GUSB: variants seen among roughly 807,000 people sequenced by gnomAD.
GUSB encodes beta-glucuronidase.
In GUSB, 51 loss-of-function variants were observed where a neutral mutation model predicts 74.6. That is an observed-to-expected ratio of 0.68 (90% CI 0.55 to 0.86). GUSB has a LOEUF of 0.86. GUSB is among the 40% of genes least tolerant of loss of function. GUSB has a pLI of 0.00. For missense variants in GUSB, 736 were observed against 853.7 expected (o/e 0.86, Z 1.72); for synonymous variants, 360 against 348.3 (o/e 1.03, Z -0.37).
chr7:65,979,620 C>G, intron 3 of GUSB, 79 bp from the exon 4 acceptor site: 1 of 1,596,240 alleles, frequency 6.3e-7, no homozygotes, highest in Non-Finnish European at 8.6e-7. Context: ...CCTGGCCTCC[C>G]CAGATCCAAG....
intron 11 of GUSB, among the ~76,000 whole-genome samples, chr7:65,961,816 A>G (rs956945989): frequency 6.6e-6 from 1 of 152,178 alleles, no homozygotes; most frequent in Non-Finnish European, 1.5e-5. Flanking sequence ...AGCCTGGACA[A>G]TATGGTGAAA....
At chr7:65,981,103 G>A (rs1204848237) in intron 1 of GUSB, among the ~76,000 whole-genome samples, 1 of 152,156 alleles carries the variant, frequency 6.6e-6, no homozygotes, top group Non-Finnish European at 1.5e-5. Flanking sequence ...AGAGTGTGTG[G>A]GTGGCTCATG....
intron 11 of GUSB, among the ~76,000 whole-genome samples, chr7:65,962,377 A>T (rs1790555855): frequency 1.3e-5 from 2 of 152,202 alleles, no homozygotes; most frequent in South Asian, 4.1e-4. Flanking sequence ...CTAAATGGAA[A>T]TGTTAAATGG....
Position 65,976,789 on chromosome 7 carries a change from C to T in GUSB, c.725-587G>A, listed in dbSNP as rs944680651. Among the ~76,000 whole-genome samples, 5 of 151,790 alleles carry T rather than the reference C, an allele frequency of 3.3e-5. 1 individual carries two copies. Among genetic ancestry groups the T allele is most frequent in the African/African-American group, 2.4e-5 (1 of 41,374 alleles). On this transcript the variant is annotated intron_variant, in intron 4 of 11. Transcript: ENST00000304895. The stretch of plus-strand genomic sequence containing the variant: ...TTCCCTAAAAATACAAACAATCAGC[C>T]GGTCGTGGTGGTGCGTGCTTGCAGC...
intron 5 of GUSB, 189 bp downstream of exon 5, chr7:65,975,826 G>A: frequency 1.8e-6 from 1 of 556,962 alleles, no homozygotes; most frequent in Middle Eastern, 3.1e-4. Context: ...ACTCCAGCCT[G>A]GGTGACAGAG....
chr7:65,968,743 C>T (rs1446682142), intron 9 of GUSB, among the ~76,000 whole-genome samples: 1 of 152,260 alleles, frequency 6.6e-6, no homozygotes. Flanking sequence ...TGCGCCACCA[C>T]GCCCAGCTAA....
intron 8 of GUSB, among the ~76,000 whole-genome samples, chr7:65,971,228 T>C (rs961374459): frequency 3.3e-5 from 5 of 152,168 alleles, no homozygotes; most frequent in African/African-American, 1.2e-4. Flanking sequence ...GAGGCAGGCA[T>C]GGGGCTAGGT....
chr7:65,980,807 C>T (rs1460831619), intron 1 of GUSB: 3 of 332,966 alleles, frequency 9.0e-6, no homozygotes, highest in African/African-American at 6.4e-5. Context: ...GCACCCAGCC[C>T]CCTCCTCTTT....
chr7:65,973,566 A>G (rs781141), intron 8 of GUSB, among the ~76,000 whole-genome samples: 19,307 of 151,912 alleles, frequency 0.13, 1,387 homozygotes, highest in Middle Eastern at 0.21. Flanking sequence ...CAGCCTGGCC[A>G]CGGAGTGAGA....
chr7:65,964,559 T>C (rs2115839353), intron 10 of GUSB, 101 bp from the exon 11 acceptor site: 2 of 1,049,260 alleles, frequency 1.9e-6, no homozygotes, highest in Non-Finnish European at 1.4e-6. Flanking sequence ...AATATCTGTC[T>C]TCACAGGGGG....
chr7:65,981,886 CA>C, intron 1 of GUSB, 87 bp downstream of exon 1: 3 of 1,199,002 alleles, frequency 2.5e-6, no homozygotes, highest in Non-Finnish European at 3.5e-6. Flanking sequence ...CGGAGACGCC[CA>C]GGGGAAGAAG....
chr7:65,973,432 C>G (rs919006192), intron 8 of GUSB, among the ~76,000 whole-genome samples: 15 of 152,204 alleles, frequency 9.9e-5, no homozygotes, highest in Non-Finnish European at 1.2e-4. Flanking sequence ...GCTAAAAATA[C>G]AAAAATTAGC....
chr7:65,978,276 C>G (rs1037447694), intron 4 of GUSB, among the ~76,000 whole-genome samples: 6 of 152,120 alleles, frequency 3.9e-5, no homozygotes, highest in Admixed American at 3.9e-4. Context: ...GGTGAAACCC[C>G]ATCTCTACTA....
intron 10 of GUSB, among the ~76,000 whole-genome samples, chr7:65,966,428 GA>G (rs999578702): frequency 6.8e-5 from 10 of 147,022 alleles, no homozygotes; most frequent in East Asian, 5.9e-4. Flanking sequence ...GAATCCACAG[GA>G]AAAAAAAAAC....
rs371314015 is a variant in GUSB, at chr7:65,982,027, C to T, written c.157G>A (p.Asp53Asn). ...GLWSFRADFSDNRRRGFEEQW... is the reference protein window; with the variant it reads ...GLWSFRADFSNNRRRGFEEQW... ...TCCTCGAAGCCCCGGCGTCGGTTGT[C>T]AGAGAAGTCGGCGCGGAAGCTCCAG... Residue 53 changes from aspartate to asparagine, a missense_variant, in exon 1 of 12, where the codon GAC becomes AAC. By Grantham distance (23) the Asp-to-Asn change is conservative. Around this residue, in one of 2 missense-constraint regions of GUSB, gnomAD observed 368 missense variants for 363.8 expected, o/e 1.01. Transcript: ENST00000304895. The T allele has an allele frequency of 3.5e-5, 57 of 1,610,452 alleles. No individual in the cohort carries two copies. The African/African-American group carries it at 7.0e-4, about 20-fold the overall frequency.
Position 65,979,465 on chromosome 7 carries a change from G to C in GUSB, c.658C>G (p.Leu220Val), listed in dbSNP as rs760324067. The change falls in exon 4 of 12, where the codon CTG (leucine) becomes GTG (valine). Residue 220 changes from leucine to valine, a missense_variant. Physicochemically the swap from Leu to Val is conservative, Grantham distance 32 (BLOSUM62 1). This residue lies in a region of GUSB where 368 missense variants were observed against 363.8 expected (regional missense o/e 1.01). Transcript: ENST00000304895. The part of the protein sequence containing the change: ...NYAGLQRSVL[L>V]YTTPTTYIDD... ...ATGTAGGTGGTGGGTGTCGTGTACAGAAGTACAGACCGCTGCAGTCCAGCG... is the reference window on the plus strand; with the variant it reads ...ATGTAGGTGGTGGGTGTCGTGTACACAAGTACAGACCGCTGCAGTCCAGCG... 1.5e-5 allele frequency: 25 copies of C among 1,613,648 alleles called. No individual in the cohort carries two copies. Among genetic ancestry groups the C allele is most frequent in the Non-Finnish European group, 1.8e-5 (21 of 1,179,658 alleles).
chr7:65,980,620 G>T (rs1791945468), intron 1 of GUSB: 3 of 600,566 alleles, frequency 5.0e-6, no homozygotes, highest in African/African-American at 1.8e-5. Flanking sequence ...CCTCAGAGTG[G>T]ATGGGGCACA....
At chr7:65,977,002 T>C (rs1791625936) in intron 4 of GUSB, among the ~76,000 whole-genome samples, 1 of 151,944 alleles carries the variant, frequency 6.6e-6, no homozygotes, top group Non-Finnish European at 1.5e-5. Flanking sequence ...ACTACGCATG[T>C]GCAACCAGAG....
At chr7:65,980,642 G>A (rs1348975306) in intron 1 of GUSB, 1 of 563,280 alleles carries the variant, frequency 1.8e-6, no homozygotes, top group Non-Finnish European at 3.2e-6. Context: ...TATCTCCTGA[G>A]ACAGGAGCAA....
Sources: gnomAD v4.1 joint callset for allele counts (sites outside exome capture counted in the v4.1 genomes callset) on GRCh38, gnomAD v4.1.1 for gene constraint, gnomAD v4.1.1 regional missense constraint, MANE v1.5 for transcripts, NCBI Gene and HGNC (gene_info 2026-07-23, HGNC 2026-07-21) for gene names.